Variants in TRDN observed in about 807,000 individuals in gnomAD.
The protein encoded by TRDN is triadin.
Under a neutral mutation model 149.7 loss-of-function variants are expected in TRDN, and 161 were observed. That is an observed-to-expected ratio of 1.08 (90% CI 0.95 to 1.23). TRDN has a LOEUF of 1.23. Ranked by LOEUF, TRDN falls within the 50% of genes most tolerant of loss-of-function variation. The probability of loss-of-function intolerance (pLI) is 0.00; values close to 1 mark genes in which losing one functional copy is unlikely to be tolerated. For synonymous variants in TRDN, 294 were observed against 250.5 expected (o/e 1.17, Z -1.64); for missense variants, 896 against 823.5 (o/e 1.09, Z -1.08).
At chr6:123,395,447 CTGGTCATCTCTCAA>C (rs1772682019) in intron 12 of TRDN, among the ~76,000 whole-genome samples, 1 of 152,124 alleles carries the variant, frequency 6.6e-6, no homozygotes, top group South Asian at 2.1e-4. Context: ...TCCCAACAGG[CTGGTCATCTCTCAA>C]TGGGGTTTAC....
chr6:123,234,130 T>C (rs921945998), intron 38 of TRDN, among the ~76,000 whole-genome samples: 3 of 152,102 alleles, frequency 2.0e-5, no homozygotes, highest in Non-Finnish European at 4.4e-5. Context: ...CTTCTGACGC[T>C]AGTTTCCCTG....
intron 14 of TRDN, among the ~76,000 whole-genome samples, chr6:123,388,111 GAA>G (rs57627210): frequency 2.7e-4 from 40 of 147,382 alleles, no homozygotes; most frequent in Admixed American, 9.4e-4. Context: ...AGCAATGGGA[GAA>G]AAAAAAAAAC....
At chr6:123,242,433 G>A (rs1776023884) in intron 38 of TRDN, among the ~76,000 whole-genome samples, 1 of 152,004 alleles carries the variant, frequency 6.6e-6, no homozygotes, top group Non-Finnish European at 1.5e-5. Context: ...TCCATGAGAA[G>A]CACATTATTT....
In TRDN at chr6:123,542,789, A is replaced by G. The variant is rs551318391; in HGVS notation, c.424+4551T>C. On this transcript the variant is annotated intron_variant, in intron 4 of 40. Transcript: ENST00000334268. ...ATATATTTTTTAACTTTGCTTTAAG[A>G]CTTTTGGGTTTTCGCTCTCTCTCTT... Among the ~76,000 whole-genome samples the G allele has an allele frequency of 4.7e-3, 717 of 151,598 alleles. 4 individuals are homozygous for G. The highest frequency in any genetic ancestry group is 5.0e-3 in the Non-Finnish European group (341 of 67,864).
At chr6:123,465,861 T>C (rs1215297201) in intron 9 of TRDN, among the ~76,000 whole-genome samples, 1 of 152,218 alleles carries the variant, frequency 6.6e-6, no homozygotes, top group Non-Finnish European at 1.5e-5. Flanking sequence ...CAACTAGATA[T>C]TATCAAATGT....
chr6:123,556,014 A>AT (rs144207402), intron 2 of TRDN, among the ~76,000 whole-genome samples: 4,839 of 152,252 alleles, frequency 0.032, 106 homozygotes, highest in African/African-American at 0.066. Context: ...GATAAAATAA[A>AT]TTTTTATTTA....
intron 38 of TRDN, among the ~76,000 whole-genome samples, chr6:123,243,796 T>C (rs1207842845): frequency 1.3e-5 from 2 of 152,128 alleles, no homozygotes; most frequent in African/African-American, 4.8e-5. Flanking sequence ...AATTTTTTTT[T>C]GTTACAGTTA....
chr6:123,516,724 T>A (rs1312028347), intron 5 of TRDN, among the ~76,000 whole-genome samples: 1 of 152,014 alleles, frequency 6.6e-6, no homozygotes, highest in Admixed American at 6.6e-5. Flanking sequence ...CCAACAAAAA[T>A]AAAATTTAAT....
chr6:123,557,682 G>C (rs372996137), intron 2 of TRDN, among the ~76,000 whole-genome samples: 4 of 152,022 alleles, frequency 2.6e-5, no homozygotes, highest in Admixed American at 6.6e-5. Flanking sequence ...GTGTGACCAC[G>C]TGGGAACGCC....
Position 123,352,608 on chromosome 6 carries a change from T to G in TRDN, c.1322-22A>C, listed in dbSNP as rs761621805. On this transcript the variant is annotated intron_variant, in intron 20 of 40. Transcript: ENST00000334268. ...ACAGCTGCAAAACAAAGATAAGGTTTAAAGAAGAGTTCCAGACAGAAATAC... is the reference window on the plus strand; with the variant it reads ...ACAGCTGCAAAACAAAGATAAGGTTGAAAGAAGAGTTCCAGACAGAAATAC... 3.1e-6 allele frequency: 5 copies of G among 1,606,044 alleles called. No homozygotes were observed. In the East Asian group the frequency reaches 1.1e-4, roughly 36 times the overall value.
At chr6:123,613,737 AG>A (rs1324001268) in intron 1 of TRDN, among the ~76,000 whole-genome samples, 2 of 152,206 alleles carry the variant, frequency 1.3e-5, no homozygotes, top group Non-Finnish European at 1.5e-5. Flanking sequence ...CCATCATAAA[AG>A]TATCATTGAA....
At chr6:123,251,309 A>G (rs1428992848) in intron 38 of TRDN, among the ~76,000 whole-genome samples, 1 of 152,090 alleles carries the variant, frequency 6.6e-6, no homozygotes, top group Non-Finnish European at 1.5e-5. Context: ...TCTCTATCCA[A>G]TGCTGTAGCC....
At chr6:123,425,269 GTGTGTGTGTA>G (rs1483682096) in intron 12 of TRDN, among the ~76,000 whole-genome samples, 1 of 141,588 alleles carries the variant, frequency 7.1e-6, no homozygotes, top group East Asian at 2.1e-4. Flanking sequence ...GTGTGTGTGT[GTGTGTGTGTA>G]TGTGTAGATG....
At chr6:123,274,696 T>A (rs1230027726) in intron 26 of TRDN, 26 bp from the exon 27 acceptor site, 2 of 1,595,820 alleles carry the variant, frequency 1.3e-6, no homozygotes, top group South Asian at 1.1e-5. Context: ...GGCAGAAAAT[T>A]TAAAACCTGA....
intron 10 of TRDN, among the ~76,000 whole-genome samples, chr6:123,441,778 A>C (rs1444487825): frequency 6.6e-6 from 1 of 152,200 alleles, no homozygotes; most frequent in Non-Finnish European, 1.5e-5. Context: ...TTCCACGAGG[A>C]AACAAATGCA....
intron 2 of TRDN, among the ~76,000 whole-genome samples, chr6:123,560,975 AC>A (rs781703751): frequency 8.5e-5 from 13 of 152,122 alleles, no homozygotes; most frequent in Non-Finnish European, 1.6e-4. Context: ...TCCCTTTCCT[AC>A]ACATCAAGCT....
At chr6:123,570,810 G>T (rs1030947820) in intron 2 of TRDN, 113 bp downstream of exon 2, 6 of 858,746 alleles carry the variant, frequency 7.0e-6, no homozygotes, top group Non-Finnish European at 1.1e-5. Context: ...CATTTGTGGG[G>T]TGTTTCTTCC....
intron 31 of TRDN, 44 bp from the exon 32 acceptor site, chr6:123,267,795 T>C (rs1232982490): frequency 1.4e-6 from 2 of 1,471,262 alleles, no homozygotes; most frequent in East Asian, 2.4e-5. Flanking sequence ...GTGGATTCTT[T>C]GGCAAATATT....
At chr6:123,267,820 T>A in intron 31 of TRDN, 69 bp from the exon 32 acceptor site, 3 of 1,259,722 alleles carry the variant, frequency 2.4e-6, no homozygotes, top group Non-Finnish European at 2.2e-6. Context: ...ATTTATATAT[T>A]TGCAAGTGAT....
Sources: gnomAD v4.1 joint callset for allele counts (sites outside exome capture counted in the v4.1 genomes callset) on GRCh38, gnomAD v4.1.1 for gene constraint, MANE v1.5 for transcripts, NCBI Gene and HGNC (gene_info 2026-07-23, HGNC 2026-07-21) for gene names.